GSG1L: variants seen among roughly 807,000 people sequenced by gnomAD.
GSG1L encodes germ cell-specific gene 1-like protein.
A neutral mutation model predicts 42.1 loss-of-function variants in GSG1L; 24 were observed. The ratio of observed to expected loss-of-function variants is 0.57; its 90% confidence interval spans 0.41 to 0.80. The LOEUF (loss-of-function observed/expected upper bound fraction) is 0.80. GSG1L is among the 30% of genes least tolerant of loss of function. The pLI is 0.00. For synonymous variants in GSG1L, 215 were observed against 203.5 expected, an observed-to-expected ratio of 1.06 and a Z score of -0.48; for missense variants, 445 against 472.2, an observed-to-expected ratio of 0.94 and a Z score of 0.53.
intron 1 of GSG1L, 56 bp from the exon 2 acceptor site, chr16:27,963,259 G>C: frequency 6.7e-7 from 1 of 1,484,842 alleles, no homozygotes; most frequent in Non-Finnish European, 9.4e-7. Flanking sequence ...GGCTTCCGAG[G>C]TTTGCCTGCT....
chr16:27,935,485 G>A (rs952385760), intron 2 of GSG1L, among the ~76,000 whole-genome samples: 1 of 147,412 alleles, frequency 6.8e-6, no homozygotes, highest in East Asian at 1.9e-4. Flanking sequence ...TTAGGCTCTC[G>A]GCTATACGCT....
chr16:27,860,301 T>C (rs755785418), intron 3 of GSG1L, among the ~76,000 whole-genome samples: 2 of 152,194 alleles, frequency 1.3e-5, no homozygotes, highest in Non-Finnish European at 2.9e-5. Flanking sequence ...GCCCTCGTCC[T>C]GAATCGGGCT....
intron 3 of GSG1L, among the ~76,000 whole-genome samples, chr16:27,847,906 T>G (rs1259404426): frequency 6.6e-6 from 1 of 152,208 alleles, no homozygotes; most frequent in African/African-American, 2.4e-5. Context: ...CATGAGCCAA[T>G]TAAACCTCCT....
chr16:28,059,131 G>A lies in GSG1L; in HGVS notation c.349+3945C>T, dbSNP rs572540910. Among the ~76,000 whole-genome samples the A allele has an allele frequency of 2.2e-4, 33 of 152,292 alleles. No individual in the cohort carries two copies. The South Asian group carries it at 3.3e-3, about 15-fold the overall frequency. On this transcript the variant is annotated intron_variant, in intron 1 of 6. Coordinates refer to ENST00000447459, the MANE Select transcript of GSG1L (RefSeq NM_001109763.2). This position sits in a 1 kb window ranked among gnomAD's most constrained non-coding sequence, Gnocchi z 4.4. ...TACGTCACCAAATCCTTGCATCTCCGGCGGGTGCTAGCTGCTCTGATCCCC... is the reference window on the plus strand; with the variant it reads ...TACGTCACCAAATCCTTGCATCTCCAGCGGGTGCTAGCTGCTCTGATCCCC...
intron 1 of GSG1L, among the ~76,000 whole-genome samples, chr16:28,051,894 G>T (rs1278544184): frequency 1.3e-5 from 2 of 152,192 alleles, no homozygotes; most frequent in East Asian, 3.8e-4. Context: ...CAGTAGGATT[G>T]CTCAGCACGG....
intron 5 of GSG1L, among the ~76,000 whole-genome samples, chr16:27,821,908 GTAAATAAA>G (rs10544246): frequency 5.3e-5 from 8 of 150,086 alleles, no homozygotes; most frequent in East Asian, 2.0e-4. Flanking sequence ...TCTCAAAAAA[GTAAATAAA>G]TAAATAAATA....
Position 28,059,329 on chromosome 16 carries a change from T to C in GSG1L, c.349+3747A>G, listed in dbSNP as rs928025616. On this transcript the variant is annotated intron_variant, in intron 1 of 6. Transcript: ENST00000447459. This position sits in a 1 kb window ranked among gnomAD's most constrained non-coding sequence, Gnocchi z 4.4. ...GACTGTGGGAGGGGCCACCGCGGTG[T>C]GGGGTGTGTTGGCTCCCCGCCTGGG... 6.6e-6 allele frequency among the ~76,000 whole-genome samples: 1 copy of C among 152,014 alleles called. No homozygotes were observed. Among genetic ancestry groups the C allele is most frequent in the Admixed American group, 6.6e-5 (1 of 15,254 alleles).
intron 3 of GSG1L, among the ~76,000 whole-genome samples, chr16:27,863,674 C>A (rs924094772): frequency 6.6e-6 from 1 of 152,212 alleles, no homozygotes; most frequent in South Asian, 2.1e-4. Context: ...GCCCAAAGGC[C>A]TGACTCAGCT....
At chr16:27,855,339 A>G (rs2083564212) in intron 3 of GSG1L, among the ~76,000 whole-genome samples, 1 of 152,164 alleles carries the variant, frequency 6.6e-6, no homozygotes, top group Non-Finnish European at 1.5e-5. Context: ...TAGAGTCCAC[A>G]TCTCTTTTTG....
chr16:28,034,199 C>T (rs1567563472), intron 1 of GSG1L, among the ~76,000 whole-genome samples: 1 of 131,224 alleles, frequency 7.6e-6, no homozygotes, highest in Non-Finnish European at 1.7e-5. Context: ...CAACTCATCT[C>T]ATCCCATCCC....
chr16:27,829,311 C>T (rs2083250371), intron 4 of GSG1L, among the ~76,000 whole-genome samples: 1 of 152,030 alleles, frequency 6.6e-6, no homozygotes, highest in African/African-American at 2.4e-5. Context: ...AAGGGCATTC[C>T]AGGAGAAGGA....
chr16:27,791,678 A>G (rs1175297550), intron 6 of GSG1L, among the ~76,000 whole-genome samples: 1 of 151,892 alleles, frequency 6.6e-6, no homozygotes, highest in East Asian at 1.9e-4. Flanking sequence ...CCAGTTCACC[A>G]ACACACCTGT....
intron 1 of GSG1L, among the ~76,000 whole-genome samples, chr16:28,052,934 A>G (rs1009588064): frequency 1.3e-5 from 2 of 152,182 alleles, no homozygotes; most frequent in African/African-American, 4.8e-5. Flanking sequence ...TTCCTCCTCT[A>G]TGCCCCTTCC....
rs537565556 is a variant in GSG1L at position 27,789,119 on chromosome 16, TAGA to T, written c.*2248_*2250del. ...ACAAGGAAGGATGACAAGCAATCAA[TAGA>T]AGATGGATAGATGGATGGATGAATG... is the stretch of plus-strand genomic sequence containing the variant. On this transcript the variant is annotated 3_prime_UTR_variant, in exon 7 of 7. Coordinates refer to ENST00000447459, the MANE Select transcript of GSG1L (RefSeq NM_001109763.2). The T allele has an allele frequency of 3.3e-5, 5 of 152,276 alleles. No individual in the cohort carries two copies. The South Asian group carries it at 8.3e-4, about 25-fold the overall frequency. The allele number at this position is 152,276 out of a possible 1,614,324, so 9.4% of individuals were successfully genotyped here.
At chr16:28,042,660 A>G (rs756406122) in intron 1 of GSG1L, among the ~76,000 whole-genome samples, 110 of 152,296 alleles carry the variant, frequency 7.2e-4, no homozygotes, top group Non-Finnish European at 1.2e-3. Flanking sequence ...GGGGGAAATC[A>G]TTGCAAATAA....
intron 5 of GSG1L, among the ~76,000 whole-genome samples, chr16:27,822,184 G>A (rs1473267361): frequency 6.6e-6 from 1 of 152,118 alleles, no homozygotes. Context: ...AAAGCCTCAA[G>A]GTAGGCATTA....
chr16:28,012,656 T>C (rs2085734597), intron 1 of GSG1L, among the ~76,000 whole-genome samples: 1 of 151,452 alleles, frequency 6.6e-6, no homozygotes, highest in African/African-American at 2.4e-5. Flanking sequence ...GAAGCCAAGA[T>C]AGAAGGATCA....
intron 5 of GSG1L, among the ~76,000 whole-genome samples, chr16:27,815,465 C>T (rs2083084747): frequency 6.6e-6 from 1 of 152,198 alleles, no homozygotes; most frequent in Non-Finnish European, 1.5e-5. Flanking sequence ...AACCTCTCTT[C>T]CTTATAAATT....
chr16:27,869,622 C>A (rs1314270557), intron 3 of GSG1L, among the ~76,000 whole-genome samples: 1 of 137,290 alleles, frequency 7.3e-6, no homozygotes. Flanking sequence ...TCTCTCTCCT[C>A]TCTGCGTCTC....
Sources: gnomAD v4.1 joint callset for allele counts (sites outside exome capture counted in the v4.1 genomes callset) on GRCh38, gnomAD v4.1.1 for gene constraint, Gnocchi (gnomAD v3.1) non-coding constraint, MANE v1.5 for transcripts, NCBI Gene and HGNC (gene_info 2026-07-23, HGNC 2026-07-21) for gene names.